YTHDC2: variants seen among roughly 807,000 people sequenced by gnomAD.
YTHDC2 encodes the protein 3'-5' RNA helicase YTHDC2.
A neutral mutation model predicts 174.9 loss-of-function variants in YTHDC2; 45 were observed. The ratio of observed to expected loss-of-function variants is 0.26; its 90% confidence interval spans 0.20 to 0.33. The LOEUF (loss-of-function observed/expected upper bound fraction) is 0.33, where lower values mean the gene tolerates loss of function less well. Ranked by LOEUF, YTHDC2 falls within the 10% of genes least tolerant of loss-of-function variation. The pLI, the probability that YTHDC2 is intolerant of heterozygous loss-of-function variation, is 1.00. For synonymous variants in YTHDC2, 657 were observed against 574.5 expected (o/e 1.14, Z -2.05); for missense variants, 1,650 against 1,723.7 (o/e 0.96, Z 0.76).
At chr5:113,515,200 G>A (rs1405685100) in intron 1 of YTHDC2, 72 bp from the exon 2 acceptor site, 2 of 1,065,682 alleles carry the variant, frequency 1.9e-6, no homozygotes, top group South Asian at 1.4e-5. Context: ...TTCATATTTT[G>A]TATCTGTGTG....
intron 19 of YTHDC2, 106 bp from the exon 20 acceptor site, chr5:113,563,753 G>A (rs1777159483): frequency 4.5e-6 from 6 of 1,327,130 alleles, no homozygotes; most frequent in African/African-American, 1.5e-5. Context: ...AGATGTAGTA[G>A]CAAAAGAAAA....
intron 23 of YTHDC2, among the ~76,000 whole-genome samples, chr5:113,575,529 G>C (rs530155437): frequency 6.6e-6 from 1 of 152,158 alleles, no homozygotes; most frequent in Admixed American, 6.6e-5. Context: ...CACATGAAAA[G>C]CAGAAATGTG....
intron 18 of YTHDC2, among the ~76,000 whole-genome samples, chr5:113,561,474 T>TA (rs1554098924): frequency 0.053 from 4,071 of 76,578 alleles, 52 homozygotes; most frequent in African/African-American, 0.18. Context: ...TCTATCTATA[T>TA]TTTTTTTTTT....
In YTHDC2 at chr5:113,553,237, G is replaced by A. The variant is rs961284527; in HGVS notation, c.1745G>A (p.Ser582Asn). 1 of 1,582,118 alleles carries A rather than the reference G, an allele frequency of 6.3e-7. No homozygotes were observed. Among genetic ancestry groups the A allele is most frequent in the African/African-American group, 1.4e-5 (1 of 70,640 alleles). The change falls in exon 13 of 30, where the codon AGT becomes AAT. Residue 582 changes from serine to asparagine, a missense_variant. Around this residue, in one of 5 missense-constraint regions of YTHDC2, gnomAD observed 411 missense variants for 380.6 expected, o/e 1.08. Coordinates refer to ENST00000161863, the MANE Select transcript of YTHDC2 (RefSeq NM_022828.5). ...DESSLVQTNGSDLSAEDRELL... is the reference protein window; with the variant it reads ...DESSLVQTNGNDLSAEDRELL... ...AGTTCTCTGGTTCAAACAAATGGAA[G>A]TGACCTCAGTGCTGAAGACAGAGAG...
intron 16 of YTHDC2, 109 bp downstream of exon 16, chr5:113,554,131 T>G (rs1214488217): frequency 1.1e-6 from 1 of 896,350 alleles, no homozygotes; most frequent in Non-Finnish European, 1.5e-6. Flanking sequence ...TTACCTCTAC[T>G]CAAGACAGCT....
At chr5:113,592,920 GAA>G (rs1428101527) in intron 28 of YTHDC2, 1 of 154,892 alleles carries the variant, frequency 6.5e-6, no homozygotes, top group East Asian at 1.9e-4. Flanking sequence ...GAGTTCCTTG[GAA>G]AAAAACCCAA....
chr5:113,584,513 C>T lies in YTHDC2; in HGVS notation c.3825+34C>T, dbSNP rs767686163. ...ATCTGAAAGAAAATGTAGTAAGGAA[C>T]AGATTTGTAGCACATGTAATCCTAG... On this transcript the variant is annotated intron_variant, in intron 26 of 29. Transcript: ENST00000161863. The T allele has an allele frequency of 1.7e-5, 26 of 1,536,660 alleles. No homozygotes were observed. The African/African-American group carries it at 3.2e-4, about 19-fold the overall frequency.
rs1309892591 is a variant in YTHDC2, at chr5:113,565,980, G to A, written c.2803G>A (p.Gly935Ser). 5.0e-6 allele frequency: 8 copies of A among 1,612,728 alleles called. No individual in the cohort carries two copies. Among genetic ancestry groups the A allele is most frequent in the Non-Finnish European group, 6.8e-6 (8 of 1,179,400 alleles). ...LSQATMEIII[G>S]MRTQLLGQLR... ...ACAGGCTACTATGGAAATAATCATA[G>A]GCATGAGAACACAGTTGCTTGGTCA... The change falls in exon 21 of 30, where the codon GGC (glycine) becomes AGC (serine). Residue 935 changes from glycine (G) to serine (S), a missense_variant. By Grantham distance (56) the Gly-to-Ser change is moderately conservative. Transcript: ENST00000161863.
chr5:113,526,994 T>G (rs1367825328), intron 4 of YTHDC2, among the ~76,000 whole-genome samples: 1 of 151,996 alleles, frequency 6.6e-6, no homozygotes, highest in African/African-American at 2.4e-5. Flanking sequence ...AAGAAAATGT[T>G]TTAAATAATT....
chr5:113,572,131 C>T (rs1777763192), intron 23 of YTHDC2, among the ~76,000 whole-genome samples: 1 of 152,192 alleles, frequency 6.6e-6, no homozygotes, highest in African/African-American at 2.4e-5. Context: ...CGTCTTAACA[C>T]TACTTTAGCT....
rs1779151199 is a variant in YTHDC2, at chr5:113,594,294, T to A, written c.*820T>A. The A allele has an allele frequency of 6.6e-6, 1 of 152,100 alleles. No homozygotes were observed. The highest frequency in any genetic ancestry group is 2.4e-5 in the African/African-American group (1 of 41,422). 9.4% of individuals were successfully genotyped at this position (152,100 alleles called of 1,614,324 possible). A position where few individuals can be genotyped will look rare whatever the true frequency, so the allele number is the denominator to read the frequency against. The stretch of plus-strand genomic sequence containing the variant: ...ACATCTCTTATATGAGCACAGTAAT[T>A]ATGACCTTTTTGTTTTGGCTACAAC... On this transcript the variant is annotated 3_prime_UTR_variant, in exon 30 of 30. Transcript: ENST00000161863.
intron 17 of YTHDC2, among the ~76,000 whole-genome samples, chr5:113,558,074 T>C (rs1776732119): frequency 6.6e-6 from 1 of 152,102 alleles, no homozygotes; most frequent in Non-Finnish European, 1.5e-5. Flanking sequence ...TCTGAGACAA[T>C]TGTGAATAAA....
intron 17 of YTHDC2, among the ~76,000 whole-genome samples, chr5:113,558,244 G>A (rs961483467): frequency 1.3e-5 from 2 of 152,148 alleles, no homozygotes; most frequent in Non-Finnish European, 2.9e-5. Flanking sequence ...ACCATTTTGA[G>A]TTTTCTCTCT....
At chr5:113,553,087 A>T in intron 12 of YTHDC2, 94 bp from the exon 13 acceptor site, 1 of 1,197,872 alleles carries the variant, frequency 8.3e-7, no homozygotes, top group Non-Finnish European at 1.1e-6. Context: ...CACTTACCTT[A>T]CCTTCCTTAG....
At chr5:113,546,631 C>T (rs1462333080) in intron 10 of YTHDC2, among the ~76,000 whole-genome samples, 1 of 152,186 alleles carries the variant, frequency 6.6e-6, no homozygotes, top group Non-Finnish European at 1.5e-5. Context: ...TCTATTGCTG[C>T]ATTACAGATG....
At chr5:113,515,699 C>T (rs2112507758) in intron 2 of YTHDC2, among the ~76,000 whole-genome samples, 2 of 152,256 alleles carry the variant, frequency 1.3e-5, no homozygotes, top group South Asian at 4.1e-4. Context: ...ATGCATCATG[C>T]ATACATAGGG....
chr5:113,526,179 CCTA>C (rs1355572282), intron 3 of YTHDC2, among the ~76,000 whole-genome samples: 4 of 151,746 alleles, frequency 2.6e-5, no homozygotes, highest in Non-Finnish European at 5.9e-5. Flanking sequence ...TACATTATTT[CCTA>C]CTACAAAAAT....
chr5:113,517,795 T>G (rs895351993), intron 2 of YTHDC2, among the ~76,000 whole-genome samples: 1 of 152,240 alleles, frequency 6.6e-6, no homozygotes, highest in African/African-American at 2.4e-5. Context: ...GAAATCACTT[T>G]GAATCTACTT....
intron 23 of YTHDC2, among the ~76,000 whole-genome samples, chr5:113,578,269 C>T (rs1778191144): frequency 6.6e-6 from 1 of 151,990 alleles, no homozygotes; most frequent in Non-Finnish European, 1.5e-5. Context: ...AGTCATAGCT[C>T]ACTGTAACCC....
Sources: allele counts gnomAD v4.1 joint callset (sites outside exome capture counted in the v4.1 genomes callset), GRCh38; gene constraint gnomAD v4.1.1; regional missense constraint gnomAD v4.1.1; transcripts MANE v1.5; gene names NCBI Gene and HGNC (gene_info 2026-07-23, HGNC 2026-07-21).